The following TMCC1 variants were observed in gnomAD, a reference collection of about 807,000 sequenced individuals.
TMCC1 encodes the protein transmembrane and coiled-coil domain family 1, also known as transmembrane and coiled-coil domains protein 1.
In TMCC1, 15 loss-of-function variants were observed where a neutral mutation model predicts 52.4. The observed-to-expected ratio is 0.29, with a 90% confidence interval of 0.19 to 0.44. The LOEUF is 0.44. Among genes scored for constraint, TMCC1 ranks in the 20% least tolerant of loss-of-function variants. The pLI is 1.00. For missense variants in TMCC1, 503 were observed against 806.0 expected, an observed-to-expected ratio of 0.62 and a Z score of 4.55; for synonymous variants, 279 against 301.9, an observed-to-expected ratio of 0.92 and a Z score of 0.79.
intron 2 of TMCC1, chr3:129,848,418 G>A (rs141410581): frequency 4.5e-4 from 69 of 152,246 alleles, no homozygotes; most frequent in African/African-American, 1.6e-3. Context: ...ACCATCTGTT[G>A]AAAAGAGTGA....
chr3:129,760,695 T>A (rs1318268480), intron 4 of TMCC1, among the ~76,000 whole-genome samples: 1 of 151,850 alleles, frequency 6.6e-6, no homozygotes, highest in East Asian at 2.0e-4. Context: ...GCCAGGATGG[T>A]CTCGATCTCC....
At chr3:129,812,336 C>CAAAAAAAAAAAAAAAAAAAAAAAAAAA (rs11387876) in intron 4 of TMCC1, among the ~76,000 whole-genome samples, 1 of 56,016 alleles carries the variant, frequency 1.8e-5, no homozygotes, top group Admixed American at 2.8e-4. Flanking sequence ...GACTCTGTCT[C>CAAAAAAAAAAAAAAAAAAAAAAAAAAA]AAAAAAAAAA....
In TMCC1 at chr3:129,865,002, C is replaced by G. The variant is rs942735155; in HGVS notation, c.-184+15307G>C. ...GGCACTACATTGGACCCAACAAACA[C>G]AAAAGATACAGGAGACTTTGTTCTA... On this transcript the variant is annotated intron_variant, in intron 2 of 6. Transcript: ENST00000393238. 5.3e-5 allele frequency among the ~76,000 whole-genome samples: 8 copies of G among 152,130 alleles called. No individual in the cohort carries two copies. In the South Asian group the frequency reaches 1.0e-3, roughly 20 times the overall value.
rs1047256216 is a variant in TMCC1 at position 129,726,841 on chromosome 3, C to G, written c.577-55577G>C. ...CTGAGATGGTGCCACTGCACTTCAGCCTGGGTAACAGAGCAAGACTCTGTC... is the reference window on the plus strand; with the variant it reads ...CTGAGATGGTGCCACTGCACTTCAGGCTGGGTAACAGAGCAAGACTCTGTC... On this transcript the variant is annotated intron_variant, in intron 4 of 6. Transcript: ENST00000393238. Among the ~76,000 whole-genome samples, 4 of 88,682 alleles carry G rather than the reference C, an allele frequency of 4.5e-5. No homozygotes were observed. In the South Asian group the frequency reaches 1.1e-3, roughly 24 times the overall value. The allele number at this position is 88,682 out of a possible 152,430, so 58.2% of individuals were successfully genotyped here.
chr3:129,651,281 G>A lies in TMCC1; in HGVS notation c.*200C>T, dbSNP rs1166333690. On this transcript the variant is annotated 3_prime_UTR_variant, in exon 7 of 7. Coordinates refer to ENST00000393238, the MANE Select transcript of TMCC1 (RefSeq NM_001017395.5). The surrounding 1 kb of genome is among the most constrained non-coding windows in gnomAD (Gnocchi z 5.1). ...TACATAAAAATGATCCAAGATTTTC[G>A]CCCAAAAAACTTCTTGGATAAAATC... 9 of 597,442 alleles carry A rather than the reference G, an allele frequency of 1.5e-5. No individual in the cohort carries two copies. Among genetic ancestry groups the A allele is most frequent in the African/African-American group, 7.4e-5 (4 of 53,990 alleles). 37.0% of individuals were successfully genotyped at this position (597,442 alleles called of 1,614,324 possible). A position where few individuals can be genotyped will look rare whatever the true frequency, so the allele number is the denominator to read the frequency against.
At chr3:129,688,134 A>G in intron 4 of TMCC1, 1 of 985,154 alleles carries the variant, frequency 1.0e-6, no homozygotes, top group Non-Finnish European at 1.2e-6. Flanking sequence ...CTGATATAGA[A>G]AAGTCAAAAA....
intron 4 of TMCC1, among the ~76,000 whole-genome samples, chr3:129,683,364 C>T (rs1055179199): frequency 2.6e-5 from 4 of 152,086 alleles, no homozygotes; most frequent in Admixed American, 2.6e-4. Flanking sequence ...GGCACCCAAC[C>T]GTATTATCTT....
chr3:129,676,060 A>G (rs950570743), intron 4 of TMCC1, among the ~76,000 whole-genome samples: 22 of 151,016 alleles, frequency 1.5e-4, no homozygotes, highest in African/African-American at 5.1e-4. Flanking sequence ...AAAAAAAAAA[A>G]ATTACAGATG....
intron 4 of TMCC1, among the ~76,000 whole-genome samples, chr3:129,772,791 T>C (rs1256239539): frequency 1.4e-5 from 2 of 145,264 alleles, no homozygotes; most frequent in Non-Finnish European, 3.0e-5. Flanking sequence ...TATGAAAAGA[T>C]ACTAGACATT....
chr3:129,875,208 G>C (rs1424809842), intron 2 of TMCC1, among the ~76,000 whole-genome samples: 1 of 151,266 alleles, frequency 6.6e-6, no homozygotes, highest in Non-Finnish European at 1.5e-5. Context: ...AAAAAAAATG[G>C]CCAGGTGCGG....
In TMCC1 at chr3:129,827,805, G is replaced by A. The variant is rs779016604; in HGVS notation, c.574C>T (p.Arg192Trp). The A allele has an allele frequency of 2.5e-6, 4 of 1,610,632 alleles. No homozygotes were observed. The highest frequency in any genetic ancestry group is 1.3e-5 in the African/African-American group (1 of 74,980). Residue 192 changes from arginine (R) to tryptophan (W), a missense_variant and splice_region_variant, in exon 4 of 7, where the codon CGG becomes TGG. By Grantham distance (101) the Arg-to-Trp change is moderately radical. This residue lies in a region of TMCC1 where 217 missense variants were observed against 297.9 expected (regional missense o/e 0.73). Coordinates refer to ENST00000393238, the MANE Select transcript of TMCC1 (RefSeq NM_001017395.5). ...AAAACAAAATCTTACAAACTTACCC[G>A]CTCCGCAGTTCCCTCCTCTCCTGGT... ...CLPGEEGTAE[R>W]IERLEVSSLA...
intron 4 of TMCC1, among the ~76,000 whole-genome samples, chr3:129,825,475 C>T (rs2107827657): frequency 6.6e-6 from 1 of 151,968 alleles, no homozygotes; most frequent in Non-Finnish European, 1.5e-5. Flanking sequence ...GAACCTGAAT[C>T]CATAACTTCC....
intron 4 of TMCC1, among the ~76,000 whole-genome samples, chr3:129,743,935 TAAA>T (rs748095065): frequency 7.1e-6 from 1 of 141,616 alleles, no homozygotes; most frequent in African/African-American, 2.6e-5. Context: ...TGCACTTGTT[TAAA>T]AAAAAAAAAA....
intron 1 of TMCC1, among the ~76,000 whole-genome samples, chr3:129,882,368 G>A (rs1460089139): frequency 6.6e-6 from 1 of 151,266 alleles, no homozygotes; most frequent in Non-Finnish European, 1.5e-5. Context: ...AAAACAACAA[G>A]TGCTGGCAAG....
chr3:129,695,123 A>AAAC, intron 4 of TMCC1, among the ~76,000 whole-genome samples: 1 of 90,030 alleles, frequency 1.1e-5, no homozygotes, highest in Non-Finnish European at 2.3e-5. Flanking sequence ...AAAAAAAAAA[A>AAAC]AAATCATAAT....
intron 2 of TMCC1, among the ~76,000 whole-genome samples, chr3:129,843,237 C>T (rs1412132648): frequency 2.0e-5 from 3 of 151,988 alleles, no homozygotes; most frequent in Non-Finnish European, 4.4e-5. Flanking sequence ...GTCCCAGCTA[C>T]TCAGGAGGCT....
chr3:129,861,209 G>T (rs763271410), intron 2 of TMCC1, among the ~76,000 whole-genome samples: 2 of 152,164 alleles, frequency 1.3e-5, no homozygotes, highest in African/African-American at 2.4e-5. Context: ...GGGAGGCCGA[G>T]GCGGGCGGAT....
At chr3:129,702,080 T>C (rs906119583) in intron 4 of TMCC1, among the ~76,000 whole-genome samples, 2 of 152,170 alleles carry the variant, frequency 1.3e-5, no homozygotes, top group Admixed American at 6.6e-5. Context: ...AAAGAATCAA[T>C]TGTTTTCAGG....
At chr3:129,795,264 A>G (rs1490583247) in intron 4 of TMCC1, among the ~76,000 whole-genome samples, 1 of 152,256 alleles carries the variant, frequency 6.6e-6, no homozygotes. Context: ...GGTATGAAAA[A>G]TAACTGTAAG....
Sources: gnomAD v4.1 joint callset for allele counts (sites outside exome capture counted in the v4.1 genomes callset) on GRCh38, gnomAD v4.1.1 for gene constraint, gnomAD v4.1.1 regional missense constraint, Gnocchi (gnomAD v3.1) non-coding constraint, MANE v1.5 for transcripts, NCBI Gene and HGNC (gene_info 2026-07-23, HGNC 2026-07-21) for gene names.